PCDHGA2: variants seen among roughly 807,000 people sequenced by gnomAD.
The protein encoded by PCDHGA2 is protocadherin gamma subfamily A, 2, also known as protocadherin gamma-A2.
PCDHGA2 carries 40 observed loss-of-function variants against 59.2 expected under a neutral mutation model. That is an observed-to-expected ratio of 0.68 (90% CI 0.52 to 0.88). The LOEUF is 0.88. PCDHGA2 is among the 40% of genes least tolerant of loss of function. The pLI, the probability that PCDHGA2 is intolerant of heterozygous loss-of-function variation, is 0.00. For synonymous variants in PCDHGA2, 560 were observed against 526.0 expected (o/e 1.06, Z -0.89); for missense variants, 1,226 against 1,204.0 (o/e 1.02, Z -0.27).
chr5:141,489,692 G>A lies in PCDHGA2; in HGVS notation c.2425-5115G>A. 1.9e-6 allele frequency: 3 copies of A among 1,614,128 alleles called. No individual in the cohort carries two copies. The highest frequency in any genetic ancestry group is 1.7e-6 in the Non-Finnish European group (2 of 1,179,980). On this transcript the variant is annotated intron_variant, in intron 1 of 3. Coordinates refer to ENST00000394576, the MANE Select transcript of PCDHGA2 (RefSeq NM_018915.4). The surrounding 1 kb of genome is among the most constrained non-coding windows in gnomAD (Gnocchi z 4.5). The stretch of plus-strand genomic sequence containing the variant: ...TCAGAATCAGCAGCATCTGGGGCAC[G>A]ATTCCCACTGGACAGTGCCCAGGAT...
intron 1 of PCDHGA2, chr5:141,419,895 C>G (rs1209315374): frequency 6.2e-7 from 1 of 1,613,916 alleles, no homozygotes; most frequent in Non-Finnish European, 8.5e-7. Context: ...AGCGACCATC[C>G]CACACCCTCT....
At chr5:141,418,013 A>G (rs769578436) in intron 1 of PCDHGA2, 45 of 1,613,788 alleles carry the variant, frequency 2.8e-5, no homozygotes, top group African/African-American at 4.0e-5. Flanking sequence ...GAACCTCGCT[A>G]AGGATCTAGG....
chr5:141,387,984 C>T (rs1470979893), intron 1 of PCDHGA2: 2 of 1,485,580 alleles, frequency 1.3e-6, no homozygotes. Flanking sequence ...TGAGCAGATC[C>T]GCTACAGGAT....
At chr5:141,343,306 G>A in intron 1 of PCDHGA2, 1 of 974,332 alleles carries the variant, frequency 1.0e-6, no homozygotes, top group Non-Finnish European at 1.2e-6. Flanking sequence ...AAATATGGCT[G>A]ATTTCTGTGT....
chr5:141,358,269 CT>C (rs1760870849), intron 1 of PCDHGA2, among the ~76,000 whole-genome samples: 1 of 152,132 alleles, frequency 6.6e-6, no homozygotes, highest in Non-Finnish European at 1.5e-5. Context: ...TACAAGAGAC[CT>C]GTAAAATAGA....
chr5:141,350,655 C>T (rs1758531876), intron 1 of PCDHGA2: 1 of 1,613,884 alleles, frequency 6.2e-7, no homozygotes, highest in African/African-American at 1.3e-5. Context: ...CGTTTCGTTG[C>T]AAAAGGCATT....
At chr5:141,500,215 T>G (rs888740312) in intron 2 of PCDHGA2, among the ~76,000 whole-genome samples, 8 of 150,660 alleles carry the variant, frequency 5.3e-5, no homozygotes, top group African/African-American at 1.9e-4. Context: ...TTTATTTATT[T>G]ATTTATTTAT....
In PCDHGA2 at chr5:141,406,055, T is replaced by C. The variant is rs2094752189; in HGVS notation, c.2424+64660T>C. 5.3e-5 allele frequency among the ~76,000 whole-genome samples: 8 copies of C among 150,380 alleles called. No individual in the cohort carries two copies. In the South Asian group the frequency reaches 1.5e-3, roughly 28 times the overall value. On this transcript the variant is annotated intron_variant, in intron 1 of 3. Transcript: ENST00000394576. ...CTTCATTGGTTGCAGTGGACTCATA[T>C]CATAAAATTCTTACTCCTTTTTTTT...
In PCDHGA2 at chr5:141,341,344, A is replaced by G. The variant is rs777972828; in HGVS notation, c.2373A>G (p.Leu791=). 1.2e-6 allele frequency: 2 copies of G among 1,614,250 alleles called. No individual in the cohort carries two copies. The highest frequency in any genetic ancestry group is 3.3e-5 in the Admixed American group (2 of 60,034). The change falls in exon 1 of 4, where the codon TTA becomes TTG. Residue 791 remains leucine (L), a synonymous_variant. Transcript: ENST00000394576. ...SQESCEKKDF[L]SAPQSLLEEE... is the part of the protein sequence containing the mutation. ...AGAGCTGTGAGAAAAAGGATTTTTT[A>G]TCAGCGCCTCAATCTCTACTCGAAG...
rs145936007 is a variant in PCDHGA2, at chr5:141,490,795, C to T, written c.2425-4012C>T. 2.0e-5 allele frequency: 33 copies of T among 1,614,036 alleles called. No homozygotes were observed. Among genetic ancestry groups the T allele is most frequent in the Non-Finnish European group, 2.8e-5 (33 of 1,179,922 alleles). ...CCCAGAGGATGGACGGATCTTTGCC[C>T]AGCGTACCTTTGACTATGAATTGCT... On this transcript the variant is annotated intron_variant, in intron 1 of 3. Coordinates refer to ENST00000394576, the MANE Select transcript of PCDHGA2 (RefSeq NM_018915.4). This position sits in a 1 kb window ranked among gnomAD's most constrained non-coding sequence, Gnocchi z 5.4.
At position 141,490,688 on chromosome 5, in the gene PCDHGA2, C is replaced by A; in HGVS notation, c.2425-4119C>A. ...ACTGTGGCTGCCTCAGATCCAGACA[C>A]TGGGGATAATGCCCGCCTCACCTAC... On this transcript the variant is annotated intron_variant, in intron 1 of 3. Coordinates refer to ENST00000394576, the MANE Select transcript of PCDHGA2 (RefSeq NM_018915.4). The surrounding 1 kb of genome is among the most constrained non-coding windows in gnomAD (Gnocchi z 5.4). The A allele has an allele frequency of 6.2e-7, 1 of 1,614,218 alleles. No individual in the cohort carries two copies. The highest frequency in any genetic ancestry group is 8.5e-7 in the Non-Finnish European group (1 of 1,180,032).
rs372065725 is a variant in PCDHGA2 at position 141,371,830 on chromosome 5, C to G, written c.2424+30435C>G. On this transcript the variant is annotated intron_variant, in intron 1 of 3. Coordinates refer to ENST00000394576, the MANE Select transcript of PCDHGA2 (RefSeq NM_018915.4). ...ATTGCGCATGTCAGAGCCTCGGATC[C>G]CGACTTGGGACCTAATGGCCTTGTC... 51 of 1,613,696 alleles carry G rather than the reference C, an allele frequency of 3.2e-5. No homozygotes were observed. Among genetic ancestry groups the G allele is most frequent in the Non-Finnish European group, 4.0e-5 (47 of 1,179,912 alleles).
At chr5:141,350,332 C>A (rs774589363) in intron 1 of PCDHGA2, 16 of 1,537,558 alleles carry the variant, frequency 1.0e-5, no homozygotes, top group Middle Eastern at 1.8e-4. Context: ...CTTTGTTCTG[C>A]GGGGCCATCT....
chr5:141,485,070 G>T lies in PCDHGA2; in HGVS notation c.2425-9737G>T. ...CGCCGGCCGAACCGCGCCAGAGCTG[G>T]CGCGGGGAAAGGGAGATAGGTGTCT... On this transcript the variant is annotated intron_variant, in intron 1 of 3. Coordinates refer to ENST00000394576, the MANE Select transcript of PCDHGA2 (RefSeq NM_018915.4). This position sits in a 1 kb window ranked among gnomAD's most constrained non-coding sequence, Gnocchi z 5.7. 1.1e-6 allele frequency: 1 copy of T among 908,406 alleles called. No individual in the cohort carries two copies. Among genetic ancestry groups the T allele is most frequent in the East Asian group, 2.4e-5 (1 of 41,326 alleles). 56.3% of individuals were successfully genotyped at this position (908,406 alleles called of 1,614,324 possible).
At chr5:141,351,896 G>A (rs775011195) in intron 1 of PCDHGA2, 35 of 1,613,322 alleles carry the variant, frequency 2.2e-5, no homozygotes, top group Non-Finnish European at 2.6e-5. Flanking sequence ...GAGCCTGCGC[G>A]TGTTGGTGGG....
intron 1 of PCDHGA2, chr5:141,402,998 C>G: frequency 6.2e-7 from 1 of 1,613,908 alleles, no homozygotes; most frequent in Non-Finnish European, 8.5e-7. Context: ...ATTAGTCCTG[C>G]TATGCTCGCT....
Position 141,491,819 on chromosome 5 carries a change from G to C in PCDHGA2, c.2425-2988G>C. The C allele has an allele frequency of 6.7e-7, 1 of 1,482,028 alleles. No individual in the cohort carries two copies. Among genetic ancestry groups the C allele is most frequent in the Non-Finnish European group, 9.0e-7 (1 of 1,116,648 alleles). The allele number at this position is 1,482,028 out of a possible 1,614,324, so 91.8% of individuals were successfully genotyped here. A position where few individuals can be genotyped will look rare whatever the true frequency, so the allele number is the denominator to read the frequency against. On this transcript the variant is annotated intron_variant, in intron 1 of 3. Transcript: ENST00000394576. This position sits in a 1 kb window ranked among gnomAD's most constrained non-coding sequence, Gnocchi z 6.9. ...TCCGGCCGGCTTGGTCGCTGGCTGCGCTCCACCCGATTCTCGGGATCATTG... is the reference window on the plus strand; with the variant it reads ...TCCGGCCGGCTTGGTCGCTGGCTGCCCTCCACCCGATTCTCGGGATCATTG...
intron 1 of PCDHGA2, among the ~76,000 whole-genome samples, chr5:141,465,785 T>G (rs564238782): frequency 6.6e-6 from 1 of 152,262 alleles, no homozygotes; most frequent in South Asian, 2.1e-4. Flanking sequence ...TACAGTTTTT[T>G]TTTTTTTAAG....
At chr5:141,354,747 G>A (rs1295935407) in intron 1 of PCDHGA2, among the ~76,000 whole-genome samples, 1 of 152,038 alleles carries the variant, frequency 6.6e-6, no homozygotes, top group Non-Finnish European at 1.5e-5. Context: ...ACTGAAAAGA[G>A]GAAGAACACA....
Sources: allele counts gnomAD v4.1 joint callset (sites outside exome capture counted in the v4.1 genomes callset), GRCh38; gene constraint gnomAD v4.1.1; non-coding constraint Gnocchi (gnomAD v3.1); transcripts MANE v1.5; gene names NCBI Gene and HGNC (gene_info 2026-07-23, HGNC 2026-07-21).